Variants in KYAT1 observed in about 807,000 individuals in gnomAD.
KYAT1 encodes the protein kynurenine aminotransferase 1.
KYAT1 carries 47 observed loss-of-function variants against 52.4 expected under a neutral mutation model. The observed-to-expected ratio is 0.90, with a 90% CI of 0.71 to 1.14. The LOEUF (loss-of-function observed/expected upper bound fraction) is 1.14. Among genes scored for constraint, KYAT1 ranks in the 50% most tolerant of loss-of-function variants. KYAT1 has a pLI of 0.00. For synonymous variants in KYAT1, 212 were observed against 209.6 expected, an observed-to-expected ratio of 1.01 and a Z score of -0.10; for missense variants, 480 against 557.9, an observed-to-expected ratio of 0.86 and a Z score of 1.41.
chr9:128,874,541 C>T (rs1245231423), intron 1 of KYAT1, among the ~76,000 whole-genome samples: 8 of 151,350 alleles, frequency 5.3e-5, no homozygotes, highest in Non-Finnish European at 1.2e-4. Flanking sequence ...GAACTCCTGG[C>T]ATCAAGCAAT....
chr9:128,837,585 C>T, intron 6 of KYAT1, 100 bp downstream of exon 6: 1 of 1,411,952 alleles, frequency 7.1e-7, no homozygotes, highest in Non-Finnish European at 9.8e-7. Context: ...CCCTCCCACA[C>T]ACAAACGAAG....
At chr9:128,855,374 AAGTT>A (rs983846146) in intron 1 of KYAT1, among the ~76,000 whole-genome samples, 11 of 152,308 alleles carry the variant, frequency 7.2e-5, no homozygotes, top group Middle Eastern at 3.4e-3. Flanking sequence ...ACCTCAACCA[AAGTT>A]AGTTAGTCCT....
intron 11 of KYAT1, among the ~76,000 whole-genome samples, chr9:128,834,083 C>A (rs963619478): frequency 2.0e-5 from 3 of 152,160 alleles, no homozygotes; most frequent in Non-Finnish European, 2.9e-5. Context: ...CATGGCTAAA[C>A]CCCGTCTCTA....
intron 2 of KYAT1, among the ~76,000 whole-genome samples, chr9:128,843,374 G>T (rs1215173902): frequency 6.9e-6 from 1 of 145,896 alleles, no homozygotes; most frequent in Admixed American, 6.8e-5. Flanking sequence ...CCCATAGGAA[G>T]AAATCATCTT....
At chr9:128,840,276 TG>T (rs1831909879) in intron 3 of KYAT1, among the ~76,000 whole-genome samples, 3 of 24 alleles carry the variant, frequency 0.12, no homozygotes, top group Non-Finnish European at 0.38. Context: ...GTCTCTATTT[TG>T]TTGTTGTTGT....
At chr9:128,863,282 G>A (rs894467630) in intron 1 of KYAT1, among the ~76,000 whole-genome samples, 9 of 152,044 alleles carry the variant, frequency 5.9e-5, no homozygotes, top group African/African-American at 2.2e-4. Context: ...AGTGTGACAT[G>A]AGGCAAGCCA....
At chr9:128,861,295 C>T (rs969863051) in intron 1 of KYAT1, among the ~76,000 whole-genome samples, 5 of 152,072 alleles carry the variant, frequency 3.3e-5, no homozygotes, top group African/African-American at 1.2e-4. Context: ...GGCAGTTACC[C>T]CCATGCTGCT....
At chr9:128,861,788 G>A (rs1237735512) in intron 1 of KYAT1, among the ~76,000 whole-genome samples, 2 of 152,236 alleles carry the variant, frequency 1.3e-5, no homozygotes, top group African/African-American at 4.8e-5. Flanking sequence ...GCAGGCCCAA[G>A]CCCAGGGCTG....
chr9:128,859,533 T>C (rs1486681596), intron 1 of KYAT1, among the ~76,000 whole-genome samples: 1 of 150,194 alleles, frequency 6.7e-6, no homozygotes, highest in African/African-American at 2.5e-5. Context: ...CTGGGTGTGG[T>C]GGCGCATGCC....
chr9:128,856,880 G>C (rs972093196), intron 1 of KYAT1, among the ~76,000 whole-genome samples: 1 of 152,202 alleles, frequency 6.6e-6, no homozygotes. Flanking sequence ...CCCAACACCC[G>C]TAAAGGGTCT....
intron 1 of KYAT1, among the ~76,000 whole-genome samples, chr9:128,848,245 G>A (rs143974828): frequency 6.7e-6 from 1 of 150,312 alleles, no homozygotes; most frequent in African/African-American, 2.5e-5. Context: ...CTTGATCCTG[G>A]AGAGGTCAAG....
chr9:128,846,032 C>T (rs765575938), intron 1 of KYAT1, among the ~76,000 whole-genome samples: 2 of 152,212 alleles, frequency 1.3e-5, no homozygotes, highest in Non-Finnish European at 2.9e-5. Context: ...GAGGGAGGCA[C>T]TAATCCGCTC....
intron 3 of KYAT1, among the ~76,000 whole-genome samples, chr9:128,839,950 G>A (rs954481200): frequency 3.9e-5 from 6 of 152,132 alleles, no homozygotes; most frequent in African/African-American, 7.2e-5. Context: ...CCAGGTACTC[G>A]GGAGGCTGAG....
rs1389852055 is a variant in KYAT1, at chr9:128,842,797, C to G, written c.58G>C (p.Glu20Gln). ...TGCTCACTGGCCAGTTTCACAAACT[C>G]CACCCTGGGTAACAAATGGAGAATC... ...LDGIDYNPWV[E>Q]FVKLASEHDV... The change falls in exon 3 of 13, where the codon GAG becomes CAG. Residue 20 changes from glutamate (E) to glutamine (Q), a missense_variant. Coordinates refer to ENST00000302586, the MANE Select transcript of KYAT1 (RefSeq NM_004059.5). The G allele has an allele frequency of 1.9e-6, 3 of 1,613,106 alleles. No individual in the cohort carries two copies. The highest frequency in any genetic ancestry group is 2.5e-6 in the Non-Finnish European group (3 of 1,179,542).
chr9:128,834,922 G>A (rs1384389514), intron 11 of KYAT1, among the ~76,000 whole-genome samples: 1 of 151,202 alleles, frequency 6.6e-6, no homozygotes, highest in African/African-American at 2.4e-5. Context: ...GGATTACAAG[G>A]TCAGGAGATC....
In KYAT1 at chr9:128,837,701, T is replaced by C. The variant is rs761474860; in HGVS notation, c.551A>G (p.Asn184Ser). 9 of 1,614,082 alleles carry C rather than the reference T, an allele frequency of 5.6e-6. No homozygotes were observed. Among genetic ancestry groups the C allele is most frequent in the East Asian group, 4.5e-5 (2 of 44,876 alleles). The part of the protein sequence containing the change: ...RTKALVLNTP[N>S]NPLGKVFSRE... ...CTCCAGTACCTTGCCCAGGGGGTTG[T>C]TGGGGGTGTTGAGGACCAGGGCTTT... Residue 184 changes from asparagine (N) to serine (S), a missense_variant, in exon 6 of 13, where the codon AAC becomes AGC. By Grantham distance (46) the Asn-to-Ser change is conservative (BLOSUM62 1). Transcript: ENST00000302586.
intron 7 of KYAT1, 89 bp from the exon 8 acceptor site, chr9:128,836,162 G>T: frequency 9.2e-7 from 1 of 1,090,192 alleles, no homozygotes; most frequent in Non-Finnish European, 1.4e-6. Flanking sequence ...ACACGCATAG[G>T]CTTTTGACAC....
intron 1 of KYAT1, among the ~76,000 whole-genome samples, chr9:128,868,686 G>A (rs1836769918): frequency 1.3e-5 from 2 of 150,556 alleles, no homozygotes; most frequent in Admixed American, 1.3e-4. Flanking sequence ...ACAGGCACAT[G>A]CCACCATGCC....
intron 1 of KYAT1, among the ~76,000 whole-genome samples, chr9:128,875,002 GGCGTGA>G (rs1234654058): frequency 6.6e-6 from 1 of 152,110 alleles, no homozygotes; most frequent in African/African-American, 2.4e-5. Context: ...TGGGATTACA[GGCGTGA>G]GCCACTGCGC....
Sources: gnomAD v4.1 joint callset for allele counts (sites outside exome capture counted in the v4.1 genomes callset) on GRCh38, gnomAD v4.1.1 for gene constraint, MANE v1.5 for transcripts, NCBI Gene and HGNC (gene_info 2026-07-23, HGNC 2026-07-21) for gene names.